Variants in RALGPS1 observed in about 807,000 individuals in gnomAD.
RALGPS1 encodes the protein ras-specific guanine nucleotide-releasing factor RalGPS1.
Under a neutral mutation model 78.8 loss-of-function variants are expected in RALGPS1, and 19 were observed. The observed-to-expected ratio is 0.24, with a 90% confidence interval of 0.17 to 0.35. The LOEUF (loss-of-function observed/expected upper bound fraction) is 0.35. RALGPS1 is among the 10% of genes least tolerant of loss of function. RALGPS1 has a pLI of 1.00. For missense variants in RALGPS1, 454 were observed against 688.3 expected, an observed-to-expected ratio of 0.66 and a Z score of 3.81; for synonymous variants, 228 against 256.3, an observed-to-expected ratio of 0.89 and a Z score of 1.06.
At chr9:126,991,887 G>A (rs544584468) in intron 4 of RALGPS1, among the ~76,000 whole-genome samples, 10 of 152,306 alleles carry the variant, frequency 6.6e-5, no homozygotes, top group Admixed American at 1.3e-4. Context: ...AATAGGCAGC[G>A]CTGATAAGTC....
chr9:127,001,480 C>A (rs537573383), intron 4 of RALGPS1, among the ~76,000 whole-genome samples: 1 of 152,194 alleles, frequency 6.6e-6, no homozygotes, highest in Admixed American at 6.5e-5. Context: ...AGTCTACTTT[C>A]AAGTGATAAT....
intron 1 of RALGPS1, among the ~76,000 whole-genome samples, chr9:126,951,118 G>T (rs1481836733): frequency 6.6e-6 from 1 of 151,972 alleles, no homozygotes; most frequent in Non-Finnish European, 1.5e-5. Context: ...TCTAAACCAG[G>T]AAGAAGTTGA....
intron 7 of RALGPS1, among the ~76,000 whole-genome samples, chr9:127,063,981 G>A (rs967349371): frequency 1.3e-5 from 2 of 152,182 alleles, no homozygotes; most frequent in African/African-American, 4.8e-5. Flanking sequence ...ACCAGATGCA[G>A]GGAACAGTAG....
At chr9:127,050,207 C>T (rs1356372423) in intron 6 of RALGPS1, 75 bp downstream of exon 6, 2 of 1,251,940 alleles carry the variant, frequency 1.6e-6, no homozygotes, top group Non-Finnish European at 2.3e-6. Flanking sequence ...TATGTTTCCT[C>T]AGTACTTTGG....
chr9:127,208,809 C>A (rs1440997086), intron 14 of RALGPS1, among the ~76,000 whole-genome samples: 1 of 152,204 alleles, frequency 6.6e-6, no homozygotes, highest in Non-Finnish European at 1.5e-5. Context: ...ATGTCAGTTC[C>A]TTCAAACATC....
At chr9:127,023,774 G>A (rs1295959398) in intron 4 of RALGPS1, among the ~76,000 whole-genome samples, 4 of 152,164 alleles carry the variant, frequency 2.6e-5, no homozygotes, top group African/African-American at 7.2e-5. Context: ...GGTGGCTCAC[G>A]TCTGTAATCC....
At chr9:127,035,539 C>T (rs889586316) in intron 5 of RALGPS1, among the ~76,000 whole-genome samples, 6 of 152,236 alleles carry the variant, frequency 3.9e-5, no homozygotes. Flanking sequence ...GTATGTATGA[C>T]TGGCCCTCTG....
chr9:127,212,551 T>G lies in RALGPS1; in HGVS notation c.1354-76T>G. The G allele has an allele frequency of 2.8e-6, 3 of 1,054,038 alleles. No homozygotes were observed. The East Asian group carries it at 7.4e-5, about 26-fold the overall frequency. 65.3% of individuals were successfully genotyped at this position (1,054,038 alleles called of 1,614,324 possible). A position where few individuals can be genotyped will look rare whatever the true frequency, so the allele number is the denominator to read the frequency against. ...CCTGCACTGGCATTGATGGGATGGC[T>G]GGGTCTGTAATCGGCCAGGGATCCT... On this transcript the variant is annotated intron_variant, in intron 15 of 18. Transcript: ENST00000259351. The surrounding 1 kb of genome is among the most constrained non-coding windows in gnomAD (Gnocchi z 6.0).
intron 14 of RALGPS1, among the ~76,000 whole-genome samples, chr9:127,202,842 G>T (rs543849077): frequency 2.0e-5 from 3 of 152,242 alleles, no homozygotes; most frequent in Admixed American, 1.3e-4. Flanking sequence ...GGAGAGTAGG[G>T]GCGAGGAGAG....
intron 8 of RALGPS1, chr9:127,108,231 G>T: frequency 6.2e-7 from 1 of 1,614,038 alleles, no homozygotes; most frequent in Non-Finnish European, 8.5e-7. Flanking sequence ...GCAGCATGTC[G>T]GCTGTCTGGT....
chr9:126,917,637 T>C (rs1269535847), intron 1 of RALGPS1, among the ~76,000 whole-genome samples: 2 of 152,192 alleles, frequency 1.3e-5, no homozygotes, highest in Non-Finnish European at 2.9e-5. Context: ...GAGGTTGTTA[T>C]GAAGAATAAA....
At chr9:127,071,770 A>G (rs564354893) in intron 8 of RALGPS1, among the ~76,000 whole-genome samples, 1 of 151,874 alleles carries the variant, frequency 6.6e-6, no homozygotes, top group African/African-American at 2.4e-5. Flanking sequence ...TGTTTTTTTC[A>G]TTTTCAAGGG....
chr9:126,946,315 C>G (rs2037260601), intron 1 of RALGPS1, among the ~76,000 whole-genome samples: 1 of 152,148 alleles, frequency 6.6e-6, no homozygotes, highest in African/African-American at 2.4e-5. Flanking sequence ...GGGCAGATCA[C>G]CTGAGGTCAG....
At chr9:126,917,002 A>G (rs1412767659) in intron 1 of RALGPS1, among the ~76,000 whole-genome samples, 1 of 152,136 alleles carries the variant, frequency 6.6e-6, no homozygotes, top group African/African-American at 2.4e-5. Context: ...CCTTCGTTGC[A>G]TGGACAGAAG....
intron 8 of RALGPS1, among the ~76,000 whole-genome samples, chr9:127,148,287 C>A (rs1045802289): frequency 6.6e-6 from 1 of 152,172 alleles, no homozygotes; most frequent in South Asian, 2.1e-4. Flanking sequence ...CTCTGCACAC[C>A]CAGGTGGGGG....
chr9:127,097,405 C>G (rs897723874), intron 8 of RALGPS1, among the ~76,000 whole-genome samples: 23 of 152,248 alleles, frequency 1.5e-4, no homozygotes, highest in African/African-American at 5.5e-4. Context: ...CGGAATTTCA[C>G]ATGACAATCA....
chr9:126,978,004 AG>A, intron 4 of RALGPS1: 1 of 327,850 alleles, frequency 3.1e-6, no homozygotes, highest in Non-Finnish European at 5.5e-6. Context: ...CCTGAGAGTC[AG>A]GTCTTAACAC....
At chr9:127,009,968 T>G (rs2044196108) in intron 4 of RALGPS1, among the ~76,000 whole-genome samples, 1 of 151,994 alleles carries the variant, frequency 6.6e-6, no homozygotes. Context: ...TGCCCCTGGG[T>G]CTATATTTCT....
chr9:127,102,670 G>T (rs1423144027), intron 8 of RALGPS1, among the ~76,000 whole-genome samples: 1 of 152,154 alleles, frequency 6.6e-6, no homozygotes, highest in Non-Finnish European at 1.5e-5. Flanking sequence ...TTTGTGATCA[G>T]TTCCCCAAGG....
Sources: allele counts gnomAD v4.1 joint callset (sites outside exome capture counted in the v4.1 genomes callset), GRCh38; gene constraint gnomAD v4.1.1; non-coding constraint Gnocchi (gnomAD v3.1); transcripts MANE v1.5; gene names NCBI Gene and HGNC (gene_info 2026-07-23, HGNC 2026-07-21).